The following GNA14 variants were observed in gnomAD, a reference collection of about 807,000 sequenced individuals.
GNA14 encodes G protein subunit alpha 14.
Under a neutral mutation model 42.0 loss-of-function variants are expected in GNA14, and 50 were observed. The ratio of observed to expected loss-of-function variants is 1.19; its 90% CI spans 0.95 to 1.51. GNA14 has a LOEUF of 1.51. Among genes scored for constraint, GNA14 ranks in the 40% most tolerant of loss-of-function variants. GNA14 has a pLI of 0.00. For synonymous variants in GNA14, 173 were observed against 163.1 expected (o/e 1.06, Z -0.46); for missense variants, 473 against 446.2 (o/e 1.06, Z -0.54).
At chr9:77,541,760 T>C (rs1596421) in intron 1 of GNA14, among the ~76,000 whole-genome samples, 72,943 of 151,818 alleles carry the variant, frequency 0.48, 18,244 homozygotes, top group Admixed American at 0.57. Context: ...TTTTGTCTGA[T>C]TTGATTACAT....
intron 1 of GNA14, among the ~76,000 whole-genome samples, chr9:77,623,106 T>C (rs1403811339): frequency 6.7e-6 from 1 of 148,924 alleles, no homozygotes; most frequent in African/African-American, 2.5e-5. Context: ...TTCCAGCTAC[T>C]CAGGAGGCTG....
At chr9:77,474,666 A>G (rs114276953) in intron 2 of GNA14, among the ~76,000 whole-genome samples, 1,807 of 152,322 alleles carry the variant, frequency 0.012, 30 homozygotes, top group African/African-American at 0.04. Flanking sequence ...AGAGAACTGA[A>G]GACAAATGTC....
chr9:77,471,206 G>A (rs945652580), intron 2 of GNA14, among the ~76,000 whole-genome samples: 1 of 152,130 alleles, frequency 6.6e-6, no homozygotes, highest in Admixed American at 6.6e-5. Flanking sequence ...AAGAAACGCT[G>A]GGGCCAATTA....
intron 2 of GNA14, among the ~76,000 whole-genome samples, chr9:77,463,305 C>T (rs1357718997): frequency 6.6e-6 from 1 of 152,186 alleles, no homozygotes; most frequent in Non-Finnish European, 1.5e-5. Flanking sequence ...TGACACACTT[C>T]AGGCAATGCC....
At chr9:77,573,125 T>A (rs184565026) in intron 1 of GNA14, among the ~76,000 whole-genome samples, 46 of 152,216 alleles carry the variant, frequency 3.0e-4, no homozygotes, top group Non-Finnish European at 5.6e-4. Flanking sequence ...AGATGTTGGG[T>A]TGCAGGAGAG....
At position 77,423,842 on chromosome 9, in the gene GNA14, C is replaced by T. The variant is rs764191024; in HGVS notation, c.*137G>A. ...ATATCTTCCAAGTTCCATCACCCAT[C>T]TCTGTCCCCACGATCTACATGACAT... On this transcript the variant is annotated 3_prime_UTR_variant, in exon 7 of 7. Coordinates refer to ENST00000341700, the MANE Select transcript of GNA14 (RefSeq NM_004297.4). 6.5e-5 allele frequency: 31 copies of T among 479,594 alleles called. No individual in the cohort carries two copies. Among genetic ancestry groups the T allele is most frequent in the African/African-American group, 3.0e-4 (15 of 50,172 alleles). The allele number at this position is 479,594 out of a possible 1,614,324, so 29.7% of individuals were successfully genotyped here. A position where few individuals can be genotyped will look rare whatever the true frequency, so the allele number is the denominator to read the frequency against.
intron 2 of GNA14, among the ~76,000 whole-genome samples, chr9:77,508,615 A>G (rs968529930): frequency 6.6e-6 from 1 of 152,176 alleles, no homozygotes; most frequent in Non-Finnish European, 1.5e-5. Flanking sequence ...AGCTCTGTTC[A>G]TTGATAGGGT....
At chr9:77,496,627 A>G (rs1365489592) in intron 2 of GNA14, among the ~76,000 whole-genome samples, 4 of 152,202 alleles carry the variant, frequency 2.6e-5, no homozygotes, top group Non-Finnish European at 5.9e-5. Context: ...AGAAAGAAGC[A>G]CTAATCTGTA....
intron 2 of GNA14, among the ~76,000 whole-genome samples, chr9:77,482,266 AT>A (rs1836568623): frequency 6.6e-6 from 1 of 152,062 alleles, no homozygotes; most frequent in Non-Finnish European, 1.5e-5. Flanking sequence ...ATCTCTCAGC[AT>A]TTGCTTGTCT....
intron 2 of GNA14, among the ~76,000 whole-genome samples, chr9:77,479,240 T>C (rs564080183): frequency 6.6e-6 from 1 of 152,370 alleles, no homozygotes; most frequent in South Asian, 2.1e-4. Flanking sequence ...TTTCTACATA[T>C]GGCGAGCCAG....
intron 1 of GNA14, among the ~76,000 whole-genome samples, chr9:77,633,704 C>T (rs1824134795): frequency 6.6e-6 from 1 of 151,628 alleles, no homozygotes; most frequent in Non-Finnish European, 1.5e-5. Flanking sequence ...TTTTGGTGAG[C>T]TGTCTGGCTC....
At chr9:77,644,752 A>G (rs1388612800) in intron 1 of GNA14, among the ~76,000 whole-genome samples, 1 of 152,186 alleles carries the variant, frequency 6.6e-6, no homozygotes, top group African/African-American at 2.4e-5. Flanking sequence ...CTGCATCCAG[A>G]ATTAAAACAC....
rs1824386370 is a variant in GNA14 at position 77,647,890 on chromosome 9, G to A, written c.-97C>T. Reference sequence around the variant, plus strand: ...CCGGCCAGCATGCGACGGGCACAGGGGTGTGGAAAGAAAAGACGGGGGCCG... The same window carrying A: ...CCGGCCAGCATGCGACGGGCACAGGAGTGTGGAAAGAAAAGACGGGGGCCG... On this transcript the variant is annotated 5_prime_UTR_variant, in exon 1 of 7. Coordinates refer to ENST00000341700, the MANE Select transcript of GNA14 (RefSeq NM_004297.4). The A allele has an allele frequency of 7.7e-6, 11 of 1,420,324 alleles. No individual in the cohort carries two copies. Among genetic ancestry groups the A allele is most frequent in the Admixed American group, 2.4e-5 (1 of 41,746 alleles). 88.0% of individuals were successfully genotyped at this position (1,420,324 alleles called of 1,614,324 possible). A position where few individuals can be genotyped will look rare whatever the true frequency, so the allele number is the denominator to read the frequency against.
intron 2 of GNA14, among the ~76,000 whole-genome samples, chr9:77,523,123 T>G (rs1837383451): frequency 6.6e-6 from 1 of 152,034 alleles, no homozygotes; most frequent in Non-Finnish European, 1.5e-5. Flanking sequence ...ATACTTGGAG[T>G]GGAATGGCAG....
intron 1 of GNA14, among the ~76,000 whole-genome samples, chr9:77,547,658 A>G (rs1345285785): frequency 2.6e-5 from 4 of 152,206 alleles, no homozygotes; most frequent in Admixed American, 1.3e-4. Context: ...TCTTGGCACT[A>G]AAGAGCCTAT....
chr9:77,615,702 TACAC>T (rs59087574), intron 1 of GNA14, among the ~76,000 whole-genome samples: 15,688 of 134,050 alleles, frequency 0.12, 945 homozygotes, highest in East Asian at 0.27. Flanking sequence ...GAAAATGAAA[TACAC>T]ACACACACAC....
rs557012241 is a variant in GNA14, at chr9:77,550,888, G to A, written c.125-21635C>T. Among the ~76,000 whole-genome samples the A allele has an allele frequency of 6.3e-4, 96 of 152,268 alleles. 1 individual carries two copies. Among genetic ancestry groups the A allele is most frequent in the Middle Eastern group, 3.4e-3 (1 of 294 alleles). On this transcript the variant is annotated intron_variant, in intron 1 of 6. Coordinates refer to ENST00000341700, the MANE Select transcript of GNA14 (RefSeq NM_004297.4). ...TCTCACACACTGGAAATTTAGCTACGCTAGGTCTCAAAATCAGACATCAGA... is the reference window on the plus strand; with the variant it reads ...TCTCACACACTGGAAATTTAGCTACACTAGGTCTCAAAATCAGACATCAGA...
intron 2 of GNA14, among the ~76,000 whole-genome samples, chr9:77,505,481 C>T (rs1165824053): frequency 6.6e-6 from 1 of 152,210 alleles, no homozygotes; most frequent in African/African-American, 2.4e-5. Context: ...CATTTCCCTG[C>T]AGACTGGAAG....
chr9:77,527,299 A>G (rs1837455095), intron 2 of GNA14, among the ~76,000 whole-genome samples: 1 of 152,200 alleles, frequency 6.6e-6, no homozygotes, highest in Non-Finnish European at 1.5e-5. Context: ...AGCAATGTAT[A>G]AAGGAATCAT....
Sources: gnomAD v4.1 joint callset for allele counts (sites outside exome capture counted in the v4.1 genomes callset) on GRCh38, gnomAD v4.1.1 for gene constraint, MANE v1.5 for transcripts, NCBI Gene and HGNC (gene_info 2026-07-23, HGNC 2026-07-21) for gene names.